DMD: variants seen among roughly 807,000 people sequenced by gnomAD.
The protein encoded by DMD is dystrophin.
Under a neutral mutation model 330.1 loss-of-function variants are expected in DMD, and 63 were observed. That is an observed-to-expected ratio of 0.19 (90% CI 0.16 to 0.24). DMD has a LOEUF of 0.24. Among genes scored for constraint, DMD ranks in the 10% least tolerant of loss-of-function variants. The pLI, the probability that DMD is intolerant of heterozygous loss-of-function variation, is 1.00. For missense variants in DMD, 3,344 were observed against 2,684.1 expected (o/e 1.25, Z -5.43); for synonymous variants, 1,223 against 959.8 (o/e 1.27, Z -5.07).
chrX:33,239,881 T>C (rs936286718), intron 1 of DMD, among the ~76,000 whole-genome samples: 3 of 111,552 alleles, frequency 2.7e-5, no homozygotes, highest in Non-Finnish European at 3.8e-5. Flanking sequence ...CGTGGAAAAT[T>C]GGACATATAA....
At chrX:31,563,013 A>C (rs184803215) in intron 55 of DMD, among the ~76,000 whole-genome samples, 1 of 112,178 alleles carries the variant, frequency 8.9e-6, no homozygotes, top group Admixed American at 9.5e-5. Flanking sequence ...GAATTAAAAT[A>C]ACACATTTGC....
In DMD at chrX:32,468,719, C is replaced by A. The variant is rs772822759; in HGVS notation, c.2950-9G>T. 6.7e-6 allele frequency: 8 copies of A among 1,188,614 alleles called. No homozygotes were observed. In the South Asian group the frequency reaches 1.2e-4, roughly 19 times the overall value. The stretch of plus-strand genomic sequence containing the variant: ...AGAGAACTTTGTAAAGCCTAAAAAA[C>A]AATTTTTTAAATACATTTACCCTAA... On this transcript the variant is annotated splice_polypyrimidine_tract_variant and intron_variant, in intron 22 of 78. Transcript: ENST00000357033.
chrX:33,199,608 G>A (rs964259631), intron 1 of DMD, among the ~76,000 whole-genome samples: 1 of 111,391 alleles, frequency 9.0e-6, no homozygotes, highest in African/African-American at 3.3e-5. Context: ...GTATAACTTG[G>A]TTAGTTATCT....
In DMD at chrX:32,392,255, T is replaced by G. The variant is rs139241776; in HGVS notation, c.4234-2074A>C. Among the ~76,000 whole-genome samples, 35 of 110,866 alleles carry G rather than the reference T, an allele frequency of 3.2e-4. No individual in the cohort carries two copies. In the East Asian group the frequency reaches 7.7e-3, roughly 24 times the overall value. On this transcript the variant is annotated intron_variant, in intron 30 of 78. Coordinates refer to ENST00000357033, the MANE Select transcript of DMD (RefSeq NM_004006.3). The stretch of plus-strand genomic sequence containing the variant: ...AATGCGGTATGGCTTTATTTATTTA[T>G]TTAGTTAGTTATTTATGTTTTGAGA...
chrX:32,968,500 A>G (rs1031261811), intron 2 of DMD, among the ~76,000 whole-genome samples: 21 of 111,850 alleles, frequency 1.9e-4, no homozygotes, highest in African/African-American at 6.8e-4. Context: ...TTCATTTGCT[A>G]CAAAGATAAA....
At chrX:32,580,570 G>C (rs772232491) in intron 13 of DMD, among the ~76,000 whole-genome samples, 72 of 111,609 alleles carry the variant, frequency 6.5e-4, no homozygotes, top group African/African-American at 2.2e-3. Flanking sequence ...TTAAATCTGT[G>C]ATGAATTATT....
intron 2 of DMD, among the ~76,000 whole-genome samples, chrX:32,938,054 CTG>C (rs1388250853): frequency 9.0e-6 from 1 of 111,363 alleles, no homozygotes; most frequent in African/African-American, 3.3e-5. Context: ...AAGTCAGACT[CTG>C]TGGAAATAGA....
chrX:31,811,143 G>A (rs1460195736), intron 50 of DMD, among the ~76,000 whole-genome samples: 1 of 111,751 alleles, frequency 8.9e-6, no homozygotes, highest in African/African-American at 3.3e-5. Flanking sequence ...ACTACCAAAA[G>A]GTTAAGAGAG....
intron 59 of DMD, among the ~76,000 whole-genome samples, chrX:31,473,736 A>G (rs2067511529): frequency 9.2e-6 from 1 of 109,141 alleles, no homozygotes; most frequent in Non-Finnish European, 1.9e-5. Context: ...AAAGAAAACA[A>G]CAATCCACAA....
intron 1 of DMD, among the ~76,000 whole-genome samples, chrX:33,319,564 G>A (rs1257727575): frequency 8.9e-6 from 1 of 111,747 alleles, no homozygotes; most frequent in Admixed American, 9.5e-5. Flanking sequence ...TTCTTTTAAA[G>A]ATCTTATCGT....
At chrX:31,194,982 G>A (rs2148460006) in intron 67 of DMD, among the ~76,000 whole-genome samples, 1 of 112,037 alleles carries the variant, frequency 8.9e-6, no homozygotes, top group South Asian at 3.7e-4. Flanking sequence ...GCATGAAAAT[G>A]AGTTTAAGAG....
At chrX:32,054,440 G>A (rs2096149576) in intron 44 of DMD, among the ~76,000 whole-genome samples, 1 of 103,436 alleles carries the variant, frequency 9.7e-6, no homozygotes, top group African/African-American at 3.6e-5. Context: ...GAGAACATGC[G>A]GTGTTTGGTT....
At chrX:33,066,681 C>A (rs1431176180) in intron 1 of DMD, among the ~76,000 whole-genome samples, 1 of 110,154 alleles carries the variant, frequency 9.1e-6, no homozygotes, top group Non-Finnish European at 1.9e-5. Context: ...ACCTTTAATT[C>A]TGCCTAAAGT....
rs544853773 is a variant in DMD, at chrX:33,185,029, G to T, written c.31+26253C>A. On this transcript the variant is annotated intron_variant, in intron 1 of 78. Transcript: ENST00000357033. ...GAGCCACCGCGCCCGGCCCAGCAAG[G>T]ATTTATTTTCAGGGAGCCAGTATTA... Among the ~76,000 whole-genome samples the T allele has an allele frequency of 1.4e-3, 154 of 110,387 alleles. 1 individual carries two copies. The South Asian group carries it at 0.019, about 14-fold the overall frequency.
intron 21 of DMD, among the ~76,000 whole-genome samples, chrX:32,474,694 C>A (rs1186007557): frequency 1.8e-5 from 2 of 111,183 alleles, no homozygotes; most frequent in Non-Finnish European, 3.8e-5. Flanking sequence ...CCTTAGCCCA[C>A]TTTTTGATGG....
At chrX:31,997,819 A>T (rs750353079) in intron 44 of DMD, among the ~76,000 whole-genome samples, 1 of 111,944 alleles carries the variant, frequency 8.9e-6, no homozygotes, top group African/African-American at 3.2e-5. Context: ...CCTGCTTTTA[A>T]TAATGAAAAT....
At chrX:31,958,108 T>TTG (rs1233973200) in intron 45 of DMD, among the ~76,000 whole-genome samples, 1 of 103,664 alleles carries the variant, frequency 9.6e-6, no homozygotes. Context: ...TTTTTTTTTT[T>TTG]TTTTTTTTTT....
intron 21 of DMD, among the ~76,000 whole-genome samples, chrX:32,483,425 G>A (rs1166975314): frequency 1.9e-5 from 2 of 107,323 alleles, no homozygotes; most frequent in Non-Finnish European, 3.9e-5. Flanking sequence ...TATTTATATT[G>A]TAACATCATA....
chrX:31,945,837 T>A, intron 45 of DMD, among the ~76,000 whole-genome samples: 1 of 111,860 alleles, frequency 8.9e-6, no homozygotes, highest in East Asian at 2.8e-4. Context: ...GTTATTATAG[T>A]TTTTGGTATC....
Sources: allele counts gnomAD v4.1 joint callset (sites outside exome capture counted in the v4.1 genomes callset), GRCh38; gene constraint gnomAD v4.1.1; transcripts MANE v1.5; gene names NCBI Gene and HGNC (gene_info 2026-07-23, HGNC 2026-07-21).